OLA1: variants seen among roughly 807,000 people sequenced by gnomAD.
OLA1 encodes obg-like ATPase 1.
OLA1 carries 14 observed loss-of-function variants against 48.4 expected under a neutral mutation model. That is an observed-to-expected ratio of 0.29 (90% CI 0.19 to 0.45). The LOEUF (loss-of-function observed/expected upper bound fraction) is 0.45. Ranked by LOEUF, OLA1 falls within the 20% of genes least tolerant of loss-of-function variation. The pLI is 1.00. For synonymous variants in OLA1, 127 were observed against 150.4 expected (o/e 0.84, Z 1.14); for missense variants, 325 against 467.1 (o/e 0.70, Z 2.80).
chr2:174,195,026 A>G (rs1687853687), intron 4 of OLA1, among the ~76,000 whole-genome samples: 1 of 152,066 alleles, frequency 6.6e-6, no homozygotes, highest in Admixed American at 6.6e-5. Flanking sequence ...TATGGTCTGC[A>G]GTTTCAGTTA....
chr2:174,085,608 A>C (rs1455503390), intron 7 of OLA1, among the ~76,000 whole-genome samples: 1 of 152,166 alleles, frequency 6.6e-6, no homozygotes. Flanking sequence ...TTAGTATTAA[A>C]TTAATATCAA....
At chr2:174,175,933 G>GA (rs1327830383) in intron 4 of OLA1, among the ~76,000 whole-genome samples, 2 of 151,908 alleles carry the variant, frequency 1.3e-5, no homozygotes, top group South Asian at 2.1e-4. Context: ...AAGTCAAACA[G>GA]AAAAAACTAC....
At chr2:174,210,029 A>G (rs1222245669) in intron 4 of OLA1, among the ~76,000 whole-genome samples, 2 of 152,168 alleles carry the variant, frequency 1.3e-5, no homozygotes. Context: ...TATATCAAAG[A>G]TCAAATTAAA....
chr2:174,088,682 T>C (rs1055379261), intron 7 of OLA1, among the ~76,000 whole-genome samples: 1 of 152,112 alleles, frequency 6.6e-6, no homozygotes, highest in Non-Finnish European at 1.5e-5. Context: ...TAAATTCTAG[T>C]TTAACTAATG....
intron 4 of OLA1, among the ~76,000 whole-genome samples, chr2:174,209,153 A>T (rs966529493): frequency 5.9e-5 from 9 of 152,284 alleles, no homozygotes; most frequent in Admixed American, 3.9e-4. Context: ...TAAACAAAAC[A>T]ATGTTTTCAC....
At chr2:174,128,986 A>C (rs1574496879) in intron 5 of OLA1, among the ~76,000 whole-genome samples, 1 of 152,192 alleles carries the variant, frequency 6.6e-6, no homozygotes, top group Admixed American at 6.5e-5. Context: ...TCTGAGTTCA[A>C]GTCCTGGTTC....
chr2:174,243,838 C>CA (rs1409123922), intron 2 of OLA1, among the ~76,000 whole-genome samples: 2 of 152,202 alleles, frequency 1.3e-5, no homozygotes, highest in Non-Finnish European at 2.9e-5. Context: ...CCTATTCACC[C>CA]AGCTAAAAAC....
chr2:174,145,892 C>T (rs1003931309), intron 4 of OLA1, among the ~76,000 whole-genome samples: 3 of 152,002 alleles, frequency 2.0e-5, no homozygotes, highest in Non-Finnish European at 4.4e-5. Flanking sequence ...ATTTTTGGTG[C>T]CAGTCTACAT....
intron 3 of OLA1, among the ~76,000 whole-genome samples, chr2:174,226,041 AC>A (rs1688610536): frequency 9.7e-6 from 1 of 103,338 alleles, no homozygotes; most frequent in Admixed American, 9.8e-5. Context: ...AAAAAAAAAT[AC>A]AAAAAAATTA....
Position 174,155,525 on chromosome 2 carries a change from T to C in OLA1, c.374-13525A>G, listed in dbSNP as rs193292426. ...AAACATGGCAAACTACAGACTGCAA[T>C]AGAAGACACAAGAAATTTCTTGTTA... On this transcript the variant is annotated intron_variant, in intron 4 of 10. Transcript: ENST00000284719. Among the ~76,000 whole-genome samples, 22 of 152,312 alleles carry C rather than the reference T, an allele frequency of 1.4e-4. No individual in the cohort carries two copies. In the East Asian group the frequency reaches 3.9e-3, roughly 27 times the overall value.
At chr2:174,238,124 T>C (rs528714958) in intron 2 of OLA1, among the ~76,000 whole-genome samples, 143 of 152,310 alleles carry the variant, frequency 9.4e-4, no homozygotes, top group Middle Eastern at 3.4e-3. Flanking sequence ...TAACCTAGAA[T>C]TCTACCCAGT....
intron 5 of OLA1, among the ~76,000 whole-genome samples, chr2:174,133,455 G>C (rs13416753): frequency 6.6e-6 from 1 of 152,216 alleles, no homozygotes; most frequent in Non-Finnish European, 1.5e-5. Context: ...CCGCCTCTCA[G>C]GTTCAAGCCA....
chr2:174,175,350 C>T (rs1263131581), intron 4 of OLA1, among the ~76,000 whole-genome samples: 4 of 144,098 alleles, frequency 2.8e-5, no homozygotes, highest in African/African-American at 7.6e-5. Flanking sequence ...ATAACATATA[C>T]TTGACAAAGA....
intron 2 of OLA1, among the ~76,000 whole-genome samples, chr2:174,241,093 AG>A (rs1688989599): frequency 6.6e-6 from 1 of 152,220 alleles, no homozygotes; most frequent in South Asian, 2.1e-4. Flanking sequence ...GATATAAGGA[AG>A]CTTGGTCTAG....
At chr2:174,229,530 C>G in intron 2 of OLA1, 79 bp from the exon 3 acceptor site, 2 of 999,694 alleles carry the variant, frequency 2.0e-6, no homozygotes, top group Non-Finnish European at 3.0e-6. Flanking sequence ...TTTCAATGCT[C>G]AAATAAGATC....
intron 7 of OLA1, among the ~76,000 whole-genome samples, chr2:174,119,197 AT>A (rs1685852343): frequency 6.6e-6 from 1 of 151,992 alleles, no homozygotes; most frequent in African/African-American, 2.4e-5. Context: ...TCTTTATCAT[AT>A]TCTTTTTAAT....
At chr2:174,221,952 A>G (rs1688515914) in intron 4 of OLA1, among the ~76,000 whole-genome samples, 1 of 152,116 alleles carries the variant, frequency 6.6e-6, no homozygotes, top group Admixed American at 6.6e-5. Context: ...TTTTATCTAG[A>G]CTTCCCAGAG....
Position 174,154,508 on chromosome 2 carries a change from T to A in OLA1, c.374-12508A>T, listed in dbSNP as rs78658636. 7.4e-3 allele frequency among the ~76,000 whole-genome samples: 1,111 copies of A among 149,798 alleles called. 70 individuals carry two copies. The East Asian group carries it at 0.17, about 22-fold the overall frequency. Reference sequence around the variant, plus strand: ...GATAAAAAAAAATCCTTTCTTTCTATTACAAATTACATCCGTCCTTAAAAT... The same window carrying A: ...GATAAAAAAAAATCCTTTCTTTCTAATACAAATTACATCCGTCCTTAAAAT... On this transcript the variant is annotated intron_variant, in intron 4 of 10. Transcript: ENST00000284719.
At chr2:174,221,333 T>A (rs904107090) in intron 4 of OLA1, among the ~76,000 whole-genome samples, 1 of 152,116 alleles carries the variant, frequency 6.6e-6, no homozygotes, top group Non-Finnish European at 1.5e-5. Flanking sequence ...AAACCAGAGA[T>A]ATTTTTATTA....
Sources: allele counts gnomAD v4.1 joint callset (sites outside exome capture counted in the v4.1 genomes callset), GRCh38; gene constraint gnomAD v4.1.1; transcripts MANE v1.5; gene names NCBI Gene and HGNC (gene_info 2026-07-23, HGNC 2026-07-21).